The following MYLK4 variants were observed in gnomAD, a reference collection of about 807,000 sequenced individuals.
The protein encoded by MYLK4 is caMLCK like.
In MYLK4, 46 loss-of-function variants were observed where a neutral mutation model predicts 48.1. The ratio of observed to expected loss-of-function variants is 0.96; its 90% confidence interval spans 0.75 to 1.22. MYLK4 has a LOEUF of 1.22. MYLK4 is among the 50% of genes most tolerant of loss of function. The pLI, the probability that MYLK4 is intolerant of heterozygous loss-of-function variation, is 0.00. For missense variants in MYLK4, 451 were observed against 486.1 expected (o/e 0.93, Z 0.68); for synonymous variants, 170 against 180.8 (o/e 0.94, Z 0.48).
the MYLK4 span, among the ~76,000 whole-genome samples, chr6:2,760,120 T>C: frequency 1.2e-4 from 19 of 152,254 alleles, no homozygotes; most frequent in South Asian, 4.1e-4. Context: ...ATTTAAAATA[T>C]ATGAGCATAT....
the MYLK4 span, among the ~76,000 whole-genome samples, chr6:2,763,275 C>T: frequency 1.3e-5 from 2 of 152,246 alleles, no homozygotes; most frequent in African/African-American, 4.8e-5. Context: ...TGGCTTCTCC[C>T]ATTAATTTCT....
intron 2 of MYLK4, among the ~76,000 whole-genome samples, chr6:2,718,179 C>CAAAAA (rs10590230): frequency 7.5e-6 from 1 of 133,308 alleles, no homozygotes. Flanking sequence ...AACTCTGTCT[C>CAAAAA]AAAAAAAAAA....
chr6:2,707,192 A>G (rs1762523541), intron 2 of MYLK4, among the ~76,000 whole-genome samples: 1 of 152,212 alleles, frequency 6.6e-6, no homozygotes, highest in South Asian at 2.1e-4. Context: ...AATAGATCTA[A>G]ACTGTGAAAT....
At chr6:2,680,794 T>C (rs1346728364) in intron 7 of MYLK4, among the ~76,000 whole-genome samples, 1 of 152,178 alleles carries the variant, frequency 6.6e-6, no homozygotes, top group South Asian at 2.1e-4. Context: ...TCAACGCCTA[T>C]GGGAAAGTCG....
chr6:2,688,558 C>T (rs1022109447), intron 4 of MYLK4, among the ~76,000 whole-genome samples: 3 of 152,220 alleles, frequency 2.0e-5, no homozygotes, highest in African/African-American at 4.8e-5. Flanking sequence ...CTTCTGTCTC[C>T]TGGAGGCTGC....
the MYLK4 span, among the ~76,000 whole-genome samples, chr6:2,760,392 C>T: frequency 6.6e-6 from 1 of 152,214 alleles, no homozygotes; most frequent in South Asian, 2.1e-4. Flanking sequence ...ATGTTCACAA[C>T]CAGGAAGCTC....
chr6:2,695,375 T>C (rs1762022332), intron 2 of MYLK4, among the ~76,000 whole-genome samples: 1 of 152,174 alleles, frequency 6.6e-6, no homozygotes, highest in Non-Finnish European at 1.5e-5. Context: ...GCTGTAAGAC[T>C]CCATGGAGCA....
chr6:2,673,445 C>T lies in MYLK4; in HGVS notation c.1119+1602G>A, dbSNP rs1760976997. ...ATGTGGAAAAAGTGAGTACCTAAGG[C>T]ATAGTCATTCCAAGGTTTGTTGGTC... On this transcript the variant is annotated intron_variant, in intron 11 of 12. Coordinates refer to ENST00000274643, the MANE Select transcript of MYLK4 (RefSeq NM_001012418.5). The surrounding 1 kb of genome is among the most constrained non-coding windows in gnomAD (Gnocchi z 4.2). Among the ~76,000 whole-genome samples, 1 of 152,168 alleles carries T rather than the reference C, an allele frequency of 6.6e-6. No individual in the cohort carries two copies. The highest frequency in any genetic ancestry group is 2.1e-4 in the South Asian group (1 of 4,822).
At chr6:2,712,597 TAAGCTAA>T (rs1285191610) in intron 2 of MYLK4, among the ~76,000 whole-genome samples, 4 of 152,146 alleles carry the variant, frequency 2.6e-5, no homozygotes, top group African/African-American at 9.7e-5. Context: ...CTTCTAAACT[TAAGCTAA>T]GCAGAATCAA....
the MYLK4 span, chr6:2,768,708 C>T: frequency 6.8e-6 from 11 of 1,611,364 alleles, no homozygotes; most frequent in Non-Finnish European, 9.3e-6. Flanking sequence ...TGGCTCACAT[C>T]ATAGCCAGCA....
intron 2 of MYLK4, among the ~76,000 whole-genome samples, chr6:2,701,896 A>G (rs1435100277): frequency 6.6e-6 from 1 of 152,230 alleles, no homozygotes; most frequent in Non-Finnish European, 1.5e-5. Context: ...AATTGGTGCG[A>G]AGAATCATTT....
At chr6:2,737,977 C>CGGGGGGGG (rs1158504264) in intron 2 of MYLK4, among the ~76,000 whole-genome samples, 11 of 2,520 alleles carry the variant, frequency 4.4e-3, no homozygotes, top group Admixed American at 0.017. Flanking sequence ...GTGCCGGGGG[C>CGGGGGGGG]GGGTGGGGGG....
At chr6:2,682,057 A>C (rs1175532717) in intron 7 of MYLK4, among the ~76,000 whole-genome samples, 4 of 152,334 alleles carry the variant, frequency 2.6e-5, no homozygotes, top group Middle Eastern at 3.4e-3. Flanking sequence ...TGGGAAAGGC[A>C]AGGCACATAA....
chr6:2,749,650 G>A (rs2113383910), intron 1 of MYLK4, among the ~76,000 whole-genome samples: 1 of 152,332 alleles, frequency 6.6e-6, no homozygotes, highest in East Asian at 1.9e-4. Flanking sequence ...ATTCACTGGT[G>A]ATGAAATATG....
the MYLK4 span, among the ~76,000 whole-genome samples, chr6:2,763,342 C>T: frequency 6.6e-6 from 1 of 152,244 alleles, no homozygotes; most frequent in Admixed American, 6.5e-5. Context: ...GCCTGCATTG[C>T]TCAGCTCTGG....
chr6:2,736,549 G>A (rs1040812749), intron 2 of MYLK4, among the ~76,000 whole-genome samples: 1 of 152,230 alleles, frequency 6.6e-6, no homozygotes, highest in African/African-American at 2.4e-5. Flanking sequence ...ACATAATACT[G>A]AAATAGATAA....
chr6:2,728,096 A>G (rs764417513), intron 2 of MYLK4, among the ~76,000 whole-genome samples: 6 of 152,198 alleles, frequency 3.9e-5, no homozygotes, highest in Non-Finnish European at 7.3e-5. Context: ...AAGGATAAGT[A>G]ATGAGTACAA....
chr6:2,763,353 G>A, the MYLK4 span, among the ~76,000 whole-genome samples: 16 of 152,378 alleles, frequency 1.1e-4, no homozygotes, highest in Admixed American at 3.9e-4. Flanking sequence ...TCAGCTCTGG[G>A]GTGGTGAACG....
At chr6:2,699,145 T>G (rs1762179106) in intron 2 of MYLK4, among the ~76,000 whole-genome samples, 1 of 152,146 alleles carries the variant, frequency 6.6e-6, no homozygotes, top group South Asian at 2.1e-4. Flanking sequence ...AGAAAGAGCC[T>G]GAAGTTAAAG....
Sources: allele counts gnomAD v4.1 joint callset (sites outside exome capture counted in the v4.1 genomes callset), GRCh38; gene constraint gnomAD v4.1.1; non-coding constraint Gnocchi (gnomAD v3.1); transcripts MANE v1.5; gene names NCBI Gene and HGNC (gene_info 2026-07-23, HGNC 2026-07-21).